The following GSDMC variants were observed in gnomAD, a reference collection of about 807,000 sequenced individuals.
The protein encoded by GSDMC is gasdermin-C.
GSDMC carries 59 observed loss-of-function variants against 58.0 expected under a neutral mutation model. That is an observed-to-expected ratio of 1.02 (90% confidence interval 0.82 to 1.26). GSDMC has a LOEUF of 1.26. Ranked by LOEUF, GSDMC falls within the 50% of genes most tolerant of loss-of-function variation. The pLI is 0.00. For missense variants in GSDMC, 659 were observed against 598.5 expected (o/e 1.10, Z -1.06); for synonymous variants, 241 against 220.2 (o/e 1.09, Z -0.83).
the GSDMC span, among the ~76,000 whole-genome samples, chr8:129,738,940 C>T: frequency 2.0e-5 from 3 of 152,068 alleles, no homozygotes; most frequent in Admixed American, 1.3e-4. Context: ...AAACTGAAAC[C>T]TTTATCAATA....
chr8:129,776,240 T>C lies in GSDMC; in HGVS notation c.266A>G (p.Gln89Arg). 14 of 1,613,686 alleles carry C rather than the reference T, an allele frequency of 8.7e-6. No homozygotes were observed. The highest frequency in any genetic ancestry group is 1.2e-5 in the Non-Finnish European group (14 of 1,179,746). The change falls in exon 3 of 14, where the codon CAG becomes CGG. Residue 89 changes from glutamine to arginine, a missense_variant. Coordinates refer to ENST00000276708, the MANE Select transcript of GSDMC (RefSeq NM_031415.3). Reference protein sequence around the residue: ...GPFHFSDIMIQKHKADMGVNV... With the variant: ...GPFHFSDIMIRKHKADMGVNV... ...CACACCCATGTCAGCCTTATGCTTC[T>C]GGATCATAATGTCACTGAAGTGGAA...
the GSDMC span, among the ~76,000 whole-genome samples, chr8:129,705,920 T>C: frequency 6.6e-6 from 1 of 152,196 alleles, no homozygotes; most frequent in Non-Finnish European, 1.5e-5. Context: ...TAATAAATTT[T>C]ATTGGTTCTA....
chr8:129,760,482 T>A (rs1320129335), intron 6 of GSDMC, 63 bp downstream of exon 6: 4 of 889,242 alleles, frequency 4.5e-6, no homozygotes, highest in Non-Finnish European at 7.3e-6. Context: ...ACCTTATAAA[T>A]ATACATACCT....
chr8:129,749,214 G>C (rs1025864760), intron 13 of GSDMC, among the ~76,000 whole-genome samples: 1 of 152,082 alleles, frequency 6.6e-6, no homozygotes, highest in Non-Finnish European at 1.5e-5. Flanking sequence ...TTTTAGGCCT[G>C]TTGGGGAATG....
the GSDMC span, among the ~76,000 whole-genome samples, chr8:129,742,924 G>T: frequency 2.6e-5 from 4 of 152,152 alleles, no homozygotes; most frequent in Non-Finnish European, 5.9e-5. Context: ...TAGATTGATA[G>T]TTTTCCTTTA....
At chr8:129,768,598 T>A (rs965961053) in intron 3 of GSDMC, among the ~76,000 whole-genome samples, 1 of 152,172 alleles carries the variant, frequency 6.6e-6, no homozygotes, top group Non-Finnish European at 1.5e-5. Flanking sequence ...AACAGCAGAT[T>A]CAATCAAGCA....
chr8:129,774,669 A>C (rs561139143), intron 3 of GSDMC, among the ~76,000 whole-genome samples: 1 of 152,320 alleles, frequency 6.6e-6, no homozygotes, highest in East Asian at 1.9e-4. Flanking sequence ...CATATGCCTG[A>C]TAAAGGGTTA....
At chr8:129,713,847 A>T in the GSDMC span, among the ~76,000 whole-genome samples, 2 of 152,058 alleles carry the variant, frequency 1.3e-5, no homozygotes, top group African/African-American at 4.8e-5. Flanking sequence ...GGAGCCCATG[A>T]TCTATTGCCC....
intron 11 of GSDMC, 133 bp downstream of exon 11, chr8:129,750,298 C>T: frequency 1.8e-6 from 2 of 1,093,722 alleles, no homozygotes; most frequent in Non-Finnish European, 2.6e-6. Flanking sequence ...TGCCCGGCAC[C>T]AGAGTCCCCA....
chr8:129,708,650 T>A, the GSDMC span, among the ~76,000 whole-genome samples: 1 of 152,382 alleles, frequency 6.6e-6, no homozygotes, highest in East Asian at 1.9e-4. Context: ...GGGCAATGGA[T>A]TCGGCACTGG....
At chr8:129,775,984 G>T in intron 3 of GSDMC, 118 bp downstream of exon 3, 1 of 752,520 alleles carries the variant, frequency 1.3e-6, no homozygotes, top group Non-Finnish European at 2.1e-6. Context: ...CAAAATCTGG[G>T]CTGTCATCAT....
chr8:129,721,537 T>G, the GSDMC span, among the ~76,000 whole-genome samples: 1 of 152,190 alleles, frequency 6.6e-6, no homozygotes, highest in Non-Finnish European at 1.5e-5. Flanking sequence ...AATATTCTAG[T>G]GTATTAGCCC....
chr8:129,742,297 G>C, the GSDMC span, among the ~76,000 whole-genome samples: 1 of 152,022 alleles, frequency 6.6e-6, no homozygotes, highest in African/African-American at 2.4e-5. Flanking sequence ...TGATGAGAAA[G>C]TGAAGTGATA....
intron 1 of GSDMC, among the ~76,000 whole-genome samples, chr8:129,783,357 C>A (rs949154175): frequency 2.6e-5 from 4 of 151,958 alleles, no homozygotes; most frequent in African/African-American, 9.7e-5. Context: ...AAGATTCCAA[C>A]AACAAAAAAC....
chr8:129,730,419 G>A, the GSDMC span: 1 of 1,146,158 alleles, frequency 8.7e-7, no homozygotes, highest in Non-Finnish European at 1.2e-6. Flanking sequence ...TGAATCTTTA[G>A]TAGAAATTAT....
the GSDMC span, among the ~76,000 whole-genome samples, chr8:129,719,297 TAA>T: frequency 3.3e-5 from 5 of 152,174 alleles, no homozygotes; most frequent in South Asian, 2.1e-4. Context: ...TTCATAATAA[TAA>T]GAGATCAATT....
At position 129,750,592 on chromosome 8, in the gene GSDMC, G is replaced by A. The variant is rs113157022; in HGVS notation, c.944-22C>T. On this transcript the variant is annotated intron_variant, in intron 10 of 13. Coordinates refer to ENST00000276708, the MANE Select transcript of GSDMC (RefSeq NM_031415.3). ...AAATCTGCTCTCAGGCATCAACGCC[G>A]ACCAGAAAGTGGGGACAAGTCTTTG... is the stretch of plus-strand genomic sequence containing the variant. The A allele has an allele frequency of 5.8e-4, 933 of 1,610,256 alleles. 6 individuals are homozygous for A. The African/African-American group carries it at 9.0e-3, about 16-fold the overall frequency.
chr8:129,763,285 T>G (rs1041031290), intron 4 of GSDMC, among the ~76,000 whole-genome samples: 4 of 152,008 alleles, frequency 2.6e-5, no homozygotes, highest in African/African-American at 9.7e-5. Flanking sequence ...ATAGAATTCT[T>G]GGCTGGAATT....
the GSDMC span, among the ~76,000 whole-genome samples, chr8:129,721,303 G>T: frequency 6.6e-6 from 1 of 152,060 alleles, no homozygotes; most frequent in African/African-American, 2.4e-5. Flanking sequence ...TCTACAGTAG[G>T]TTTCACTCCC....
Sources: gnomAD v4.1 joint callset for allele counts (sites outside exome capture counted in the v4.1 genomes callset) on GRCh38, gnomAD v4.1.1 for gene constraint, MANE v1.5 for transcripts, NCBI Gene and HGNC (gene_info 2026-07-23, HGNC 2026-07-21) for gene names.